Variants in FOXP2 observed in about 807,000 individuals in gnomAD.
FOXP2 encodes the protein forkhead box protein P2.
In FOXP2, 12 loss-of-function variants were observed where a neutral mutation model predicts 115.8. The ratio of observed to expected loss-of-function variants is 0.10; its 90% CI spans 0.07 to 0.17. The LOEUF is 0.17. Among genes scored for constraint, FOXP2 ranks in the 10% least tolerant of loss-of-function variants. The pLI is 1.00. For synonymous variants in FOXP2, 328 were observed against 297.7 expected (o/e 1.10, Z -1.05); for missense variants, 629 against 843.5 (o/e 0.75, Z 3.15).
At chr7:114,351,738 G>A (rs992054395) in intron 2 of FOXP2, among the ~76,000 whole-genome samples, 1 of 151,970 alleles carries the variant, frequency 6.6e-6, no homozygotes, top group Non-Finnish European at 1.5e-5. Context: ...GAAATTTGTA[G>A]GAGTGTTTTA....
intron 1 of FOXP2, among the ~76,000 whole-genome samples, chr7:114,199,073 A>G (rs1003637004): frequency 2.0e-5 from 3 of 152,196 alleles, no homozygotes; most frequent in African/African-American, 7.2e-5. Flanking sequence ...GAGTGAGTGC[A>G]GTGGGGTGAT....
intron 3 of FOXP2, among the ~76,000 whole-genome samples, chr7:114,601,155 AG>A (rs1244485162): frequency 2.6e-5 from 4 of 151,966 alleles, no homozygotes; most frequent in Non-Finnish European, 5.9e-5. Flanking sequence ...TAGTAGAGAC[AG>A]GGTTTCGCCA....
intron 1 of FOXP2, among the ~76,000 whole-genome samples, chr7:114,199,298 C>G (rs1022011028): frequency 6.6e-6 from 1 of 152,192 alleles, no homozygotes; most frequent in Non-Finnish European, 1.5e-5. Context: ...TTAACTATCA[C>G]AGCTTTCCTT....
At chr7:114,559,545 C>G (rs918270084) in intron 3 of FOXP2, among the ~76,000 whole-genome samples, 1 of 152,192 alleles carries the variant, frequency 6.6e-6, no homozygotes. Context: ...GAACTTGACA[C>G]TGTTATATTC....
chr7:114,089,509 A>G (rs1325735120), intron 1 of FOXP2, among the ~76,000 whole-genome samples: 2 of 152,038 alleles, frequency 1.3e-5, no homozygotes, highest in Non-Finnish European at 2.9e-5. Flanking sequence ...ATATTTTGGG[A>G]TATTGTTTTT....
chr7:114,543,208 A>T (rs563953944), intron 3 of FOXP2, among the ~76,000 whole-genome samples: 1 of 152,338 alleles, frequency 6.6e-6, no homozygotes, highest in South Asian at 2.1e-4. Context: ...AAGGCACTTG[A>T]TAAATGCTAA....
In FOXP2 at chr7:114,693,694, A is replaced by G. The variant is rs1212853574; in HGVS notation, c.*3768A>G. On this transcript the variant is annotated 3_prime_UTR_variant, in exon 17 of 17. Coordinates refer to ENST00000350908, the MANE Select transcript of FOXP2 (RefSeq NM_014491.4). ...TCACTGCTGTTGGATGTAAAAATGT[A>G]TATGAAACCATTTCATTCACTTGAT... 1 of 354,552 alleles carries G rather than the reference A, an allele frequency of 2.8e-6. No individual in the cohort carries two copies. Among genetic ancestry groups the G allele is most frequent in the Non-Finnish European group, 5.5e-6 (1 of 181,666 alleles). The allele number at this position is 354,552 out of a possible 1,614,324, so 22.0% of individuals were successfully genotyped here.
chr7:114,342,880 AT>A (rs1049683613), intron 2 of FOXP2, among the ~76,000 whole-genome samples: 2 of 151,572 alleles, frequency 1.3e-5, no homozygotes, highest in African/African-American at 4.8e-5. Context: ...TATCAAACCA[AT>A]TTACTTAAAG....
In FOXP2 at chr7:114,690,129, CTTTTT is replaced by C. The variant is rs398005924; in HGVS notation, c.*216_*220del. 9.6e-3 allele frequency: 4,055 copies of C among 421,156 alleles called. 12 individuals are homozygous for C. The highest frequency in any genetic ancestry group is 0.014 in the Non-Finnish European group (3,157 of 232,450). 26.1% of individuals were successfully genotyped at this position (421,156 alleles called of 1,614,324 possible). On this transcript the variant is annotated 3_prime_UTR_variant, in exon 17 of 17. Transcript: ENST00000350908. ...TGCTTGTTTTCTTCTTCTTCTTCTT[CTTTTT>C]TTTTTTTTTTTTAGAAAAAAAGACA...
intron 3 of FOXP2, among the ~76,000 whole-genome samples, chr7:114,585,087 A>G (rs1266199551): frequency 2.0e-5 from 3 of 152,118 alleles, no homozygotes; most frequent in African/African-American, 4.8e-5. Context: ...ATTCAATTTT[A>G]TTTTTCTTCC....
intron 1 of FOXP2, among the ~76,000 whole-genome samples, chr7:114,110,095 G>A (rs1345968455): frequency 6.6e-6 from 1 of 152,072 alleles, no homozygotes; most frequent in Non-Finnish European, 1.5e-5. Flanking sequence ...TATTCACAGA[G>A]CAACATCTTG....
At chr7:114,238,780 A>AC (rs375926070) in intron 1 of FOXP2, among the ~76,000 whole-genome samples, 10 of 151,542 alleles carry the variant, frequency 6.6e-5, no homozygotes, top group Non-Finnish European at 1.3e-4. Context: ...TGGGAAAAAA[A>AC]CCAAAAAAAC....
chr7:114,495,473 T>TTA (rs1797262028), intron 2 of FOXP2, among the ~76,000 whole-genome samples: 1 of 108,814 alleles, frequency 9.2e-6, no homozygotes, highest in Admixed American at 1.1e-4. Context: ...TGTTTTTTCT[T>TTA]TCTCTCTCTC....
At chr7:114,282,083 G>A (rs1217433917) in intron 1 of FOXP2, among the ~76,000 whole-genome samples, 1 of 152,100 alleles carries the variant, frequency 6.6e-6, no homozygotes, top group Non-Finnish European at 1.5e-5. Flanking sequence ...CAATTTTCAA[G>A]AATCTCCTTT....
chr7:114,586,971 G>A (rs1378765), intron 3 of FOXP2, among the ~76,000 whole-genome samples: 12,451 of 151,864 alleles, frequency 0.082, 1,081 homozygotes, highest in East Asian at 0.23. Flanking sequence ...ACTAGCACTA[G>A]CGTTAATAAA....
At chr7:114,452,838 T>G (rs979480497) in intron 2 of FOXP2, among the ~76,000 whole-genome samples, 1 of 152,076 alleles carries the variant, frequency 6.6e-6, no homozygotes, top group Non-Finnish European at 1.5e-5. Context: ...TTTTTCATCA[T>G]TGATAGCTGT....
At chr7:114,155,381 A>G (rs1052442608) in intron 1 of FOXP2, among the ~76,000 whole-genome samples, 6 of 152,122 alleles carry the variant, frequency 3.9e-5, no homozygotes, top group African/African-American at 1.4e-4. Context: ...GCAATAAGAC[A>G]CCAAATTCCA....
At chr7:114,227,019 C>T (rs1421153503) in intron 1 of FOXP2, among the ~76,000 whole-genome samples, 2 of 152,100 alleles carry the variant, frequency 1.3e-5, no homozygotes, top group Non-Finnish European at 2.9e-5. Flanking sequence ...AGGGAAAAGT[C>T]AATCTTTTTC....
intron 3 of FOXP2, among the ~76,000 whole-genome samples, chr7:114,623,947 A>G (rs1486717512): frequency 6.6e-6 from 1 of 151,876 alleles, no homozygotes; most frequent in Non-Finnish European, 1.5e-5. Context: ...ACTCCTGTTC[A>G]GTACTTGATG....
Sources: gnomAD v4.1 joint callset for allele counts (sites outside exome capture counted in the v4.1 genomes callset) on GRCh38, gnomAD v4.1.1 for gene constraint, MANE v1.5 for transcripts, NCBI Gene and HGNC (gene_info 2026-07-23, HGNC 2026-07-21) for gene names.